Variants in CLSTN2 observed in about 807,000 individuals in gnomAD.
CLSTN2 encodes the protein calsyntenin 2, also known as calsyntenin-2.
In CLSTN2, 48 loss-of-function variants were observed where a neutral mutation model predicts 101.2. That is an observed-to-expected ratio of 0.47 (90% CI 0.38 to 0.60). The LOEUF is 0.60. CLSTN2 is among the 20% of genes least tolerant of loss of function. The pLI is 0.00. For synonymous variants in CLSTN2, 481 were observed against 463.6 expected, an observed-to-expected ratio of 1.04 and a Z score of -0.48; for missense variants, 1,160 against 1,238.2, an observed-to-expected ratio of 0.94 and a Z score of 0.95.
intron 2 of CLSTN2, among the ~76,000 whole-genome samples, chr3:140,360,018 AC>A (rs1559848265): frequency 6.6e-6 from 1 of 151,668 alleles, no homozygotes; most frequent in Non-Finnish European, 1.5e-5. Context: ...ACACACACAC[AC>A]ACACACACAT....
chr3:140,189,612 G>T (rs544254929), intron 2 of CLSTN2, among the ~76,000 whole-genome samples: 21 of 152,066 alleles, frequency 1.4e-4, no homozygotes, highest in African/African-American at 5.1e-4. Context: ...TATTCTTACG[G>T]TTGAGTTTTG....
intron 2 of CLSTN2, among the ~76,000 whole-genome samples, chr3:140,257,294 T>C (rs1310318197): frequency 1.3e-5 from 2 of 152,042 alleles, no homozygotes; most frequent in African/African-American, 4.8e-5. Flanking sequence ...GTAAAAGTAT[T>C]TAGGTGAAAA....
chr3:140,414,734 A>C (rs112432796), intron 4 of CLSTN2, among the ~76,000 whole-genome samples: 1 of 152,032 alleles, frequency 6.6e-6, no homozygotes, highest in Non-Finnish European at 1.5e-5. Context: ...TAAAAATCTA[A>C]TAAAATGTCT....
intron 2 of CLSTN2, among the ~76,000 whole-genome samples, chr3:140,315,291 G>A (rs1300847674): frequency 1.3e-5 from 2 of 152,132 alleles, no homozygotes; most frequent in African/African-American, 2.4e-5. Context: ...GTCCAGTTAT[G>A]CACAACACCT....
intron 2 of CLSTN2, among the ~76,000 whole-genome samples, chr3:140,364,899 T>A (rs1161778856): frequency 6.6e-6 from 1 of 152,142 alleles, no homozygotes; most frequent in South Asian, 2.1e-4. Flanking sequence ...GAGAGACAGG[T>A]TCCTGTTCTT....
chr3:140,062,125 G>A (rs1040897876), intron 1 of CLSTN2, among the ~76,000 whole-genome samples: 3 of 152,148 alleles, frequency 2.0e-5, no homozygotes, highest in African/African-American at 7.2e-5. Flanking sequence ...GGTATGCAGG[G>A]AAGGCCAGGA....
intron 2 of CLSTN2, among the ~76,000 whole-genome samples, chr3:140,297,185 A>G (rs2087012657): frequency 1.3e-5 from 2 of 152,180 alleles, no homozygotes; most frequent in South Asian, 4.1e-4. Context: ...ATTTTAAGCC[A>G]GTTTGGTGTT....
intron 1 of CLSTN2, among the ~76,000 whole-genome samples, chr3:140,137,070 C>A (rs977187472): frequency 5.9e-5 from 9 of 152,140 alleles, no homozygotes; most frequent in Non-Finnish European, 1.2e-4. Flanking sequence ...TAACTACTAA[C>A]CATGTGCTAG....
In CLSTN2 at chr3:140,459,710, G is replaced by A. The variant is rs907505313; in HGVS notation, c.1163G>A (p.Gly388Asp). ...QFTITMWMKH[G>D]PSPGVRAEKE... The stretch of plus-strand genomic sequence containing the variant: ...ACCATCACCATGTGGATGAAACACG[G>A]CCCCAGCCCTGGTGTGAGAGCCGAG... The change falls in exon 7 of 17, where the codon GGC becomes GAC. Residue 388 changes from glycine (G) to aspartate (D), a missense_variant. Physicochemically the swap from Gly to Asp is moderately conservative, Grantham distance 94. Coordinates refer to ENST00000458420, the MANE Select transcript of CLSTN2 (RefSeq NM_022131.3). 6.2e-7 allele frequency: 1 copy of A among 1,613,994 alleles called. No individual in the cohort carries two copies. Among genetic ancestry groups the A allele is most frequent in the Non-Finnish European group, 8.5e-7 (1 of 1,180,006 alleles).
chr3:140,434,375 C>G (rs1173018864), intron 5 of CLSTN2, among the ~76,000 whole-genome samples: 1 of 152,192 alleles, frequency 6.6e-6, no homozygotes, highest in East Asian at 1.9e-4. Flanking sequence ...AACTGAGCTT[C>G]CACTCAACTC....
At chr3:140,227,845 C>T (rs1263716632) in intron 2 of CLSTN2, among the ~76,000 whole-genome samples, 1 of 152,174 alleles carries the variant, frequency 6.6e-6, no homozygotes, top group Non-Finnish European at 1.5e-5. Flanking sequence ...TGTACCTTGG[C>T]CCCTTTTAGT....
intron 2 of CLSTN2, among the ~76,000 whole-genome samples, chr3:140,306,247 C>A (rs2087112913): frequency 2.0e-5 from 3 of 152,200 alleles, no homozygotes. Context: ...GCACACAGGG[C>A]ACTCATCAAT....
intron 1 of CLSTN2, among the ~76,000 whole-genome samples, chr3:140,144,274 C>T (rs1018580060): frequency 3.3e-5 from 5 of 152,080 alleles, no homozygotes; most frequent in African/African-American, 1.2e-4. Flanking sequence ...TAAAAGTAGT[C>T]CCCCTAGAAG....
chr3:140,123,894 A>G (rs940826184), intron 1 of CLSTN2, among the ~76,000 whole-genome samples: 2 of 151,936 alleles, frequency 1.3e-5, no homozygotes, highest in African/African-American at 4.8e-5. Context: ...CACTAATCCT[A>G]TCAGATTAGA....
At chr3:140,492,754 C>A (rs147075805) in intron 8 of CLSTN2, among the ~76,000 whole-genome samples, 49 of 152,196 alleles carry the variant, frequency 3.2e-4, no homozygotes, top group Non-Finnish European at 5.3e-4. Context: ...CCTACTATAT[C>A]CCCCAGAACT....
At chr3:139,997,638 T>C (rs1055060077) in intron 1 of CLSTN2, among the ~76,000 whole-genome samples, 1 of 152,216 alleles carries the variant, frequency 6.6e-6, no homozygotes, top group Non-Finnish European at 1.5e-5. Context: ...TTAGTCTTTG[T>C]ATCTGGTAGG....
At chr3:140,365,109 G>A (rs561191081) in intron 2 of CLSTN2, among the ~76,000 whole-genome samples, 1 of 152,302 alleles carries the variant, frequency 6.6e-6, no homozygotes, top group East Asian at 1.9e-4. Flanking sequence ...GGAAAACAGG[G>A]AAGAAAAGGG....
chr3:140,444,627 GA>G (rs2108006288), intron 5 of CLSTN2, among the ~76,000 whole-genome samples: 1 of 152,292 alleles, frequency 6.6e-6, no homozygotes, highest in South Asian at 2.1e-4. Context: ...AAATGTTATT[GA>G]ATAAACGGTA....
intron 1 of CLSTN2, among the ~76,000 whole-genome samples, chr3:139,967,062 T>TAAATGGC (rs1935613189): frequency 6.6e-6 from 1 of 152,168 alleles, no homozygotes; most frequent in South Asian, 2.1e-4. Context: ...TTATGCCTGA[T>TAAATGGC]AAATTGCTGC....
Sources: gnomAD v4.1 joint callset for allele counts (sites outside exome capture counted in the v4.1 genomes callset) on GRCh38, gnomAD v4.1.1 for gene constraint, MANE v1.5 for transcripts, NCBI Gene and HGNC (gene_info 2026-07-23, HGNC 2026-07-21) for gene names.